Variants in DIPK1A observed in about 807,000 individuals in gnomAD.
The protein encoded by DIPK1A is family with sequence similarity 69 member A.
Under a neutral mutation model 40.8 loss-of-function variants are expected in DIPK1A, and 27 were observed. That is an observed-to-expected ratio of 0.66 (90% CI 0.49 to 0.91). DIPK1A has a LOEUF of 0.91. DIPK1A is among the 40% of genes least tolerant of loss of function. The pLI is 0.00. For missense variants in DIPK1A, 412 were observed against 505.7 expected, an observed-to-expected ratio of 0.81 and a Z score of 1.78; for synonymous variants, 166 against 171.3, an observed-to-expected ratio of 0.97 and a Z score of 0.24.
At chr1:92,923,655 C>G (rs1650363158) in intron 1 of DIPK1A, among the ~76,000 whole-genome samples, 1 of 152,308 alleles carries the variant, frequency 6.6e-6, no homozygotes, top group Admixed American at 6.5e-5. Context: ...AGGAAAACAT[C>G]TAGACCTGGT....
At chr1:92,834,796 A>G (rs1357227822) in intron 4 of DIPK1A, 4 of 1,613,436 alleles carry the variant, frequency 2.5e-6, no homozygotes, top group Non-Finnish European at 3.4e-6. Context: ...ATGCCCGTAT[A>G]GAGGGGGATA....
intron 1 of DIPK1A, among the ~76,000 whole-genome samples, chr1:92,882,307 G>C (rs1452971913): frequency 1.3e-5 from 2 of 152,204 alleles, no homozygotes; most frequent in African/African-American, 4.8e-5. Context: ...AGAATCACTT[G>C]AACCAGGGAG....
In DIPK1A at chr1:92,940,396, TACA is replaced by T. The variant is rs1651106212; in HGVS notation, c.54+20977_54+20979del. 2.0e-5 allele frequency among the ~76,000 whole-genome samples: 3 copies of T among 152,348 alleles called. No individual in the cohort carries two copies. The South Asian group carries it at 6.2e-4, about 32-fold the overall frequency. The stretch of plus-strand genomic sequence containing the variant: ...AGCCAATAACATCATCTTAACATAG[TACA>T]ACACTTCTTTTTCTTACTCTTACTA... On this transcript the variant is annotated intron_variant, in intron 1 of 4. Coordinates refer to ENST00000370310, the MANE Select transcript of DIPK1A (RefSeq NM_001006605.5).
chr1:92,850,490 G>A (rs938962367), intron 3 of DIPK1A, among the ~76,000 whole-genome samples: 4 of 152,136 alleles, frequency 2.6e-5, no homozygotes, highest in African/African-American at 7.2e-5. Context: ...AGACCAGCCT[G>A]GGCAACATGG....
At chr1:92,887,460 A>C (rs1393070592) in intron 1 of DIPK1A, among the ~76,000 whole-genome samples, 3 of 151,766 alleles carry the variant, frequency 2.0e-5, no homozygotes, top group Non-Finnish European at 2.9e-5. Context: ...AGAAAAAGAA[A>C]ACTATGCAAC....
intron 1 of DIPK1A, among the ~76,000 whole-genome samples, chr1:92,905,629 G>A (rs553795101): frequency 2.6e-5 from 4 of 152,116 alleles, no homozygotes; most frequent in South Asian, 2.1e-4. Flanking sequence ...TTAACTTGAC[G>A]TGATTCCATT....
At chr1:92,954,824 AAAT>A (rs1279750027) in intron 1 of DIPK1A, among the ~76,000 whole-genome samples, 1 of 152,220 alleles carries the variant, frequency 6.6e-6, no homozygotes, top group African/African-American at 2.4e-5. Context: ...GGAGAATAAA[AAAT>A]AATACTATAA....
chr1:92,884,474 A>C (rs572160159), intron 1 of DIPK1A, among the ~76,000 whole-genome samples: 5 of 152,032 alleles, frequency 3.3e-5, no homozygotes, highest in African/African-American at 1.2e-4. Context: ...ACAAAAAAAA[A>C]CAACTCCTTG....
chr1:92,845,618 C>T (rs1687575703), intron 4 of DIPK1A: 2 of 246,936 alleles, frequency 8.1e-6, no homozygotes, highest in Non-Finnish European at 1.6e-5. Context: ...GCGGGTGGAT[C>T]ACCATGAGGT....
chr1:92,909,641 T>G (rs1649753506), intron 1 of DIPK1A, among the ~76,000 whole-genome samples: 2 of 152,172 alleles, frequency 1.3e-5, no homozygotes, highest in South Asian at 4.1e-4. Context: ...GACTGGACTC[T>G]GACATAAGCC....
intron 1 of DIPK1A, among the ~76,000 whole-genome samples, chr1:92,947,543 T>C (rs1485622023): frequency 6.6e-6 from 1 of 152,142 alleles, no homozygotes; most frequent in Non-Finnish European, 1.5e-5. Context: ...TGGAGGTTCT[T>C]CAAAAAAACT....
At chr1:92,870,073 TATACACACACAC>T (rs1391454254) in intron 2 of DIPK1A, among the ~76,000 whole-genome samples, 98 of 143,742 alleles carry the variant, frequency 6.8e-4, no homozygotes, top group African/African-American at 2.0e-3. Flanking sequence ...ATGAATTATA[TATACACACACAC>T]ACACACACAC....
intron 1 of DIPK1A, among the ~76,000 whole-genome samples, chr1:92,922,624 T>C (rs914185386): frequency 4.6e-5 from 7 of 152,238 alleles, no homozygotes; most frequent in Non-Finnish European, 7.3e-5. Context: ...GGCAGTCCTC[T>C]GGAAGTCTGA....
chr1:92,900,721 C>T (rs1649378165), intron 1 of DIPK1A, among the ~76,000 whole-genome samples: 1 of 152,134 alleles, frequency 6.6e-6, no homozygotes, highest in African/African-American at 2.4e-5. Context: ...GCACCCCTTC[C>T]TCCCTAGAGT....
At chr1:92,890,324 T>C (rs1158489225) in intron 1 of DIPK1A, among the ~76,000 whole-genome samples, 1 of 152,230 alleles carries the variant, frequency 6.6e-6, no homozygotes, top group Non-Finnish European at 1.5e-5. Context: ...TCTTGCTTAA[T>C]TGCTCTAGCT....
At chr1:92,862,743 T>C (rs1050077830) in intron 2 of DIPK1A, among the ~76,000 whole-genome samples, 2 of 152,132 alleles carry the variant, frequency 1.3e-5, no homozygotes, top group African/African-American at 4.8e-5. Flanking sequence ...AGATACAAGG[T>C]CTGTTATGAG....
At chr1:92,885,567 G>GT (rs1207503619) in intron 1 of DIPK1A, among the ~76,000 whole-genome samples, 3 of 152,142 alleles carry the variant, frequency 2.0e-5, no homozygotes, top group Non-Finnish European at 1.5e-5. Context: ...TGTTGGCCAG[G>GT]TTGGTCTCTA....
chr1:92,923,950 T>C (rs1650376066), intron 1 of DIPK1A, among the ~76,000 whole-genome samples: 1 of 152,262 alleles, frequency 6.6e-6, no homozygotes, highest in Admixed American at 6.5e-5. Context: ...CTTTTCGTTA[T>C]TAGTCCATGG....
intron 4 of DIPK1A, among the ~76,000 whole-genome samples, chr1:92,846,819 A>ATATGTGTGTG (rs1557449768): frequency 2.5e-4 from 1 of 3,960 alleles, no homozygotes; most frequent in African/African-American, 1.5e-3. Flanking sequence ...ATATATATAT[A>ATATGTGTGTG]TATATATATA....
Sources: allele counts gnomAD v4.1 joint callset (sites outside exome capture counted in the v4.1 genomes callset), GRCh38; gene constraint gnomAD v4.1.1; transcripts MANE v1.5; gene names NCBI Gene and HGNC (gene_info 2026-07-23, HGNC 2026-07-21).